The following CYP4B1 variants were observed in gnomAD, a reference collection of about 807,000 sequenced individuals.
The protein encoded by CYP4B1 is cytochrome P450 family 4 subfamily B member 1.
Under a neutral mutation model 54.0 loss-of-function variants are expected in CYP4B1, and 45 were observed. The ratio of observed to expected loss-of-function variants is 0.83; its 90% CI spans 0.66 to 1.07. The LOEUF is 1.07. Ranked by LOEUF, CYP4B1 falls within the 50% of genes least tolerant of loss-of-function variation. CYP4B1 has a pLI of 0.00. For missense variants in CYP4B1, 656 were observed against 655.4 expected, an observed-to-expected ratio of 1.00 and a Z score of -0.01; for synonymous variants, 248 against 247.5, an observed-to-expected ratio of 1.00 and a Z score of -0.02.
Position 46,814,008 on chromosome 1 carries a change from C to G in CYP4B1, c.720C>G (p.Leu240=). The change falls in exon 6 of 12, where the codon CTC becomes CTG. Residue 240 remains leucine, a synonymous_variant. Coordinates refer to ENST00000371923, the MANE Select transcript of CYP4B1 (RefSeq NM_001099772.2). ...ACCATAATGACTTCATCTACTGGCT[C>G]ACCCCACATGGCCGCCGCTTCCTGC... ...FQYHNDFIYW[L]TPHGRRFLRA... is the part of the protein sequence containing the mutation. 1 of 1,614,192 alleles carries G rather than the reference C, an allele frequency of 6.2e-7. No individual in the cohort carries two copies. Among genetic ancestry groups the G allele is most frequent in the Non-Finnish European group, 8.5e-7 (1 of 1,180,018 alleles).
intron 1 of CYP4B1, among the ~76,000 whole-genome samples, chr1:46,808,862 C>G (rs1273434891): frequency 6.9e-6 from 1 of 144,414 alleles, no homozygotes; most frequent in African/African-American, 2.6e-5. Flanking sequence ...AGTAAACTAT[C>G]GCAAGAACAA....
At chr1:46,814,150 G>A in intron 6 of CYP4B1, 59 bp from the exon 7 acceptor site, 1 of 1,610,966 alleles carries the variant, frequency 6.2e-7, no homozygotes, top group Non-Finnish European at 8.5e-7. Flanking sequence ...TAGGACCCCA[G>A]TTCCCCTTTG....
chr1:46,815,116 G>A lies in CYP4B1; in HGVS notation c.925G>A (p.Glu309Lys), dbSNP rs201173499. ...ACTGTCAGATGCAGACCTCCGGGCT[G>A]AAGTGGACACATTCATGTTTGAAGG... ...IKLSDADLRA[E>K]VDTFMFEGHD... The change falls in exon 8 of 12, where the codon GAA (glutamate) becomes AAA (lysine). Residue 309 changes from glutamate (E) to lysine (K), a missense_variant. Coordinates refer to ENST00000371923, the MANE Select transcript of CYP4B1 (RefSeq NM_001099772.2). 74 of 1,614,102 alleles carry A rather than the reference G, an allele frequency of 4.6e-5. No homozygotes were observed. The highest frequency in any genetic ancestry group is 3.3e-4 in the Middle Eastern group (2 of 6,084).
At chr1:46,817,942 A>T (rs944627666) in intron 9 of CYP4B1, 23 bp from the exon 10 acceptor site, 2 of 1,613,566 alleles carry the variant, frequency 1.2e-6, no homozygotes, top group African/African-American at 1.3e-5. Context: ...CTACCTGGTC[A>T]CCAACCTCTG....
chr1:46,818,604 G>A (rs752213854), intron 11 of CYP4B1, 27 bp from the exon 12 acceptor site: 5 of 1,610,672 alleles, frequency 3.1e-6, no homozygotes, highest in South Asian at 1.1e-5. Context: ...TCCATTGCAC[G>A]ATGACTCTTT....
intron 1 of CYP4B1, among the ~76,000 whole-genome samples, chr1:46,800,912 GCTCCCGAGCTGGGCGAGGTTC>G (rs2148393544): frequency 6.6e-6 from 1 of 152,286 alleles, no homozygotes; most frequent in South Asian, 2.1e-4. Flanking sequence ...CCAGAGCCTT[GCTCCCGAGCTGGGCGAGGTTC>G]CTCCCCAGGA....
intron 8 of CYP4B1, among the ~76,000 whole-genome samples, chr1:46,816,107 C>T (rs1355043033): frequency 6.6e-6 from 1 of 152,164 alleles, no homozygotes; most frequent in Non-Finnish European, 1.5e-5. Flanking sequence ...AGAATCCCCC[C>T]CCCACGGGGT....
chr1:46,808,428 CT>C (rs1389119078), intron 1 of CYP4B1, among the ~76,000 whole-genome samples: 3 of 151,780 alleles, frequency 2.0e-5, no homozygotes, highest in East Asian at 3.9e-4. Context: ...TGTTTTTTGG[CT>C]GCATAAATGT....
At chr1:46,812,155 C>G (rs1273970443) in intron 3 of CYP4B1, 1 of 483,228 alleles carries the variant, frequency 2.1e-6, no homozygotes. Flanking sequence ...AGCAGGCTCC[C>G]CCTCTGCTTG....
chr1:46,814,774 T>G, intron 7 of CYP4B1: 2 of 432,526 alleles, frequency 4.6e-6, no homozygotes, highest in Non-Finnish European at 8.3e-6. Flanking sequence ...AGGTAGATGT[T>G]GACCAAAATG....
intron 1 of CYP4B1, among the ~76,000 whole-genome samples, chr1:46,808,435 A>G (rs1366901479): frequency 1.3e-5 from 2 of 151,508 alleles, no homozygotes; most frequent in African/African-American, 4.9e-5. Flanking sequence ...TGGCTGCATA[A>G]ATGTCTTCTT....
At chr1:46,810,532 G>C (rs1679055524) in intron 1 of CYP4B1, among the ~76,000 whole-genome samples, 1 of 152,220 alleles carries the variant, frequency 6.6e-6, no homozygotes, top group African/African-American at 2.4e-5. Context: ...GTGCAGTAGA[G>C]AGTTGGTGGC....
rs3766210 is a variant in CYP4B1 at position 46,799,596 on chromosome 1, T to C, written c.180+335T>C. The stretch of plus-strand genomic sequence containing the variant: ...ATGGCAGAAATCCAAAACCTCTGGA[T>C]AGTACATAGAAGTAGGCAATCCATT... On this transcript the variant is annotated intron_variant, in intron 1 of 11. Coordinates refer to ENST00000371923, the MANE Select transcript of CYP4B1 (RefSeq NM_001099772.2). Among the ~76,000 whole-genome samples, 22 of 152,330 alleles carry C rather than the reference T, an allele frequency of 1.4e-4. No homozygotes were observed. The East Asian group carries it at 4.2e-3, about 29-fold the overall frequency.
chr1:46,799,656 G>C (rs1678532234), intron 1 of CYP4B1, among the ~76,000 whole-genome samples: 1 of 152,252 alleles, frequency 6.6e-6, no homozygotes, highest in South Asian at 2.1e-4. Flanking sequence ...GTTGTGTGTA[G>C]TGTAAAGATT....
In CYP4B1 at chr1:46,817,122, A is replaced by G; in HGVS notation, c.1148A>G (p.Gln383Arg). Residue 383 changes from glutamine to arginine, a missense_variant, in exon 9 of 12, where the codon CAG (glutamine) becomes CGG (arginine). Coordinates refer to ENST00000371923, the MANE Select transcript of CYP4B1 (RefSeq NM_001099772.2). ...TTCCGCCTCTACCCACCTGTGCCCC[A>G]GGTGTACCGCCAGCTCAGCAAGCCT... ...ESFRLYPPVP[Q>R]VYRQLSKPVT... 1 of 1,614,196 alleles carries G rather than the reference A, an allele frequency of 6.2e-7. No individual in the cohort carries two copies. The highest frequency in any genetic ancestry group is 1.1e-5 in the South Asian group (1 of 91,086).
rs45615439 is a variant in CYP4B1, at chr1:46,816,245, C to T, written c.1074-803C>T. ...CAGCGAGAGAAAAATCACAGGATCA[C>T]GTGGTCTGAATGTTGAGGGCAGAGG... On this transcript the variant is annotated intron_variant, in intron 8 of 11. Transcript: ENST00000371923. Among the ~76,000 whole-genome samples, 29 of 152,120 alleles carry T rather than the reference C, an allele frequency of 1.9e-4. No individual in the cohort carries two copies. The East Asian group carries it at 2.9e-3, about 15-fold the overall frequency.
At chr1:46,800,928 A>G (rs1045584851) in intron 1 of CYP4B1, among the ~76,000 whole-genome samples, 2 of 152,154 alleles carry the variant, frequency 1.3e-5, no homozygotes, top group African/African-American at 2.4e-5. Flanking sequence ...GAGCTGGGCG[A>G]GGTTCCTCCC....
intron 10 of CYP4B1, 25 bp from the exon 11 acceptor site, chr1:46,818,106 G>A: frequency 6.2e-7 from 1 of 1,614,062 alleles, no homozygotes; most frequent in Non-Finnish European, 8.5e-7. Flanking sequence ...CCTGGCGAGT[G>A]TTTAAGCAAG....
At position 46,813,503 on chromosome 1, in the gene CYP4B1, C is replaced by T. The variant is rs4646487; in HGVS notation, c.517C>T (p.Arg173Trp). The change falls in exon 5 of 12, where the codon CGG (arginine) becomes TGG (tryptophan). Residue 173 changes from arginine to tryptophan, a missense_variant. By Grantham distance (101) the Arg-to-Trp change is moderately radical (BLOSUM62 -3). Coordinates refer to ENST00000371923, the MANE Select transcript of CYP4B1 (RefSeq NM_001099772.2). ...IMLDKWEEKA[R>W]EGKSFDIFCD... ...CCAGGACAAGTGGGAAGAGAAAGCT[C>T]GGGAGGGTAAGTCCTTTGACATCTT... is the stretch of plus-strand genomic sequence containing the variant. The T allele has an allele frequency of 0.14, 225,540 of 1,613,946 alleles. 17,209 individuals are homozygous for T. Among genetic ancestry groups the T allele is most frequent in the South Asian group, 0.26 (23,983 of 91,076 alleles).
Sources: allele counts gnomAD v4.1 joint callset (sites outside exome capture counted in the v4.1 genomes callset), GRCh38; gene constraint gnomAD v4.1.1; transcripts MANE v1.5; gene names NCBI Gene and HGNC (gene_info 2026-07-23, HGNC 2026-07-21).